Variants in CSMD1 observed in about 807,000 individuals in gnomAD.
CSMD1 encodes CUB and sushi domain-containing protein 1.
CSMD1 carries 213 observed loss-of-function variants against 417.5 expected under a neutral mutation model. The ratio of observed to expected loss-of-function variants is 0.51; its 90% CI spans 0.46 to 0.57. The LOEUF (loss-of-function observed/expected upper bound fraction) is 0.57, where lower values mean the gene tolerates loss of function less well. Ranked by LOEUF, CSMD1 falls within the 20% of genes least tolerant of loss-of-function variation. CSMD1 has a pLI of 0.00. For missense variants in CSMD1, 6,923 were observed against 4,529.7 expected (o/e 1.53, Z -15.17); for synonymous variants, 2,862 against 1,736.8 (o/e 1.65, Z -16.11).
At chr8:4,455,521 C>T (rs1293227849) in intron 2 of CSMD1, among the ~76,000 whole-genome samples, 1 of 152,090 alleles carries the variant, frequency 6.6e-6, no homozygotes, top group African/African-American at 2.4e-5. Context: ...TGCAGCTGGA[C>T]CAGAAACACA....
chr8:3,140,532 G>A (rs1230649079), intron 41 of CSMD1, among the ~76,000 whole-genome samples: 1 of 151,742 alleles, frequency 6.6e-6, no homozygotes, highest in Non-Finnish European at 1.5e-5. Context: ...TCTCTTTTTT[G>A]CTCCTACCTA....
intron 2 of CSMD1, among the ~76,000 whole-genome samples, chr8:4,506,534 G>A (rs1802536883): frequency 6.6e-6 from 1 of 152,136 alleles, no homozygotes; most frequent in East Asian, 1.9e-4. Context: ...GGGATGGGAG[G>A]ACCCAGTGGA....
chr8:4,090,968 G>C (rs555043280), intron 3 of CSMD1, among the ~76,000 whole-genome samples: 80 of 151,456 alleles, frequency 5.3e-4, no homozygotes, highest in East Asian at 5.8e-4. Context: ...ACCCAGGCTG[G>C]AGTGCAGCGG....
intron 4 of CSMD1, among the ~76,000 whole-genome samples, chr8:4,029,715 C>T (rs773368304): frequency 6.6e-6 from 1 of 152,118 alleles, no homozygotes; most frequent in Non-Finnish European, 1.5e-5. Flanking sequence ...CCCAACAGTC[C>T]CCCAAAGTCT....
chr8:3,173,245 A>T (rs906037633), intron 37 of CSMD1, among the ~76,000 whole-genome samples: 2 of 152,194 alleles, frequency 1.3e-5, no homozygotes, highest in African/African-American at 4.8e-5. Context: ...TACACTCAAC[A>T]CACAAATAAA....
chr8:3,430,515 A>C (rs1175036270), intron 12 of CSMD1, among the ~76,000 whole-genome samples: 1 of 152,206 alleles, frequency 6.6e-6, no homozygotes, highest in Non-Finnish European at 1.5e-5. Flanking sequence ...AACATGTTAA[A>C]GCATTTTTCT....
intron 21 of CSMD1, among the ~76,000 whole-genome samples, chr8:3,354,903 C>CTATCTATAGATATGTCTATCTATAGATA (rs1808665750): frequency 1.8e-4 from 26 of 142,842 alleles, no homozygotes; most frequent in Admixed American, 2.7e-4. Context: ...ATCTATAGAT[C>CTATCTATAGATATGTCTATCTATAGATA]TATCTATAGA....
rs569366978 is a variant in CSMD1 at position 3,394,312 on chromosome 8, G to A, written c.2593+1882C>T. On this transcript the variant is annotated intron_variant, in intron 17 of 69. Transcript: ENST00000635120. Reference sequence around the variant, plus strand: ...AAAATATTATTATTATAATATTAGTGAGGATGACAAGCTAAATAGAAATTT... The same window carrying A: ...AAAATATTATTATTATAATATTAGTAAGGATGACAAGCTAAATAGAAATTT... Among the ~76,000 whole-genome samples, 5 of 148,590 alleles carry A rather than the reference G, an allele frequency of 3.4e-5. No individual in the cohort carries two copies. The South Asian group carries it at 1.1e-3, about 31-fold the overall frequency.
chr8:3,338,596 C>G (rs1343785444), intron 23 of CSMD1, among the ~76,000 whole-genome samples: 2 of 152,154 alleles, frequency 1.3e-5, no homozygotes, highest in African/African-American at 4.8e-5. Flanking sequence ...TGCCAAGTGC[C>G]TGGGCTCAGA....
intron 5 of CSMD1, among the ~76,000 whole-genome samples, chr8:3,962,141 C>G (rs530563687): frequency 6.6e-6 from 1 of 152,238 alleles, no homozygotes; most frequent in East Asian, 1.9e-4. Context: ...CCAGCCCACA[C>G]CTGAGCACCT....
chr8:4,027,819 A>G (rs375026074), intron 4 of CSMD1, among the ~76,000 whole-genome samples: 93 of 151,636 alleles, frequency 6.1e-4, no homozygotes, highest in Middle Eastern at 6.8e-3. Flanking sequence ...ACTTGAAATG[A>G]AGAGTATGAC....
intron 1 of CSMD1, among the ~76,000 whole-genome samples, chr8:4,815,046 T>C (rs1255677827): frequency 6.6e-6 from 1 of 152,182 alleles, no homozygotes; most frequent in African/African-American, 2.4e-5. Flanking sequence ...TTCTGAATTA[T>C]GACTTGACTG....
chr8:3,793,864 T>C (rs1799889047), intron 5 of CSMD1, among the ~76,000 whole-genome samples: 1 of 152,154 alleles, frequency 6.6e-6, no homozygotes, highest in Admixed American at 6.5e-5. Flanking sequence ...ATTGACTGAG[T>C]GTCGCTGATG....
In CSMD1 at chr8:3,347,011, G is replaced by A. The variant is rs190847745; in HGVS notation, c.3474+981C>T. ...GAGTCCAATATTTTGGCTTCCCTGT[G>A]CCATGTTGAAAGAATTGTCTTGCGG... On this transcript the variant is annotated intron_variant, in intron 22 of 69. Transcript: ENST00000635120. 7.2e-5 allele frequency among the ~76,000 whole-genome samples: 11 copies of A among 152,228 alleles called. No homozygotes were observed. The East Asian group carries it at 1.4e-3, about 19-fold the overall frequency.
chr8:3,907,629 T>C (rs1406565292), intron 5 of CSMD1, among the ~76,000 whole-genome samples: 2 of 152,178 alleles, frequency 1.3e-5, no homozygotes, highest in Non-Finnish European at 2.9e-5. Context: ...TTCAGGCTCA[T>C]TGATGAGATG....
chr8:4,227,269 G>A (rs933952219), intron 3 of CSMD1, among the ~76,000 whole-genome samples: 1 of 152,090 alleles, frequency 6.6e-6, no homozygotes, highest in African/African-American at 2.4e-5. Flanking sequence ...GAGCAAGATG[G>A]CGACCACATA....
At chr8:3,608,930 G>T (rs563819148) in intron 8 of CSMD1, among the ~76,000 whole-genome samples, 1 of 152,224 alleles carries the variant, frequency 6.6e-6, no homozygotes, top group Admixed American at 6.5e-5. Flanking sequence ...TGCAGGGCTT[G>T]GAATGCTGAG....
intron 2 of CSMD1, among the ~76,000 whole-genome samples, chr8:4,483,967 C>A (rs566069767): frequency 1.3e-5 from 2 of 152,122 alleles, no homozygotes; most frequent in African/African-American, 2.4e-5. Flanking sequence ...GACAGTCCTG[C>A]GTTTTCGGAG....
intron 3 of CSMD1, among the ~76,000 whole-genome samples, chr8:4,352,669 T>C (rs891676755): frequency 9.2e-5 from 14 of 152,196 alleles, no homozygotes; most frequent in Non-Finnish European, 1.3e-4. Context: ...ATGAAGGTCA[T>C]TTATAAAAAC....
Sources: gnomAD v4.1 joint callset for allele counts (sites outside exome capture counted in the v4.1 genomes callset) on GRCh38, gnomAD v4.1.1 for gene constraint, MANE v1.5 for transcripts, NCBI Gene and HGNC (gene_info 2026-07-23, HGNC 2026-07-21) for gene names.